XPNPEP1: variants seen among roughly 807,000 people sequenced by gnomAD.
The protein encoded by XPNPEP1 is xaa-Pro aminopeptidase 1.
In XPNPEP1, 39 loss-of-function variants were observed where a neutral mutation model predicts 92.4. The ratio of observed to expected loss-of-function variants is 0.42; its 90% CI spans 0.33 to 0.55. The LOEUF (loss-of-function observed/expected upper bound fraction) is 0.55, where lower values mean the gene tolerates loss of function less well. XPNPEP1 is among the 20% of genes least tolerant of loss of function. The pLI is 0.08. For missense variants in XPNPEP1, 654 were observed against 856.1 expected (o/e 0.76, Z 2.95); for synonymous variants, 307 against 299.4 (o/e 1.03, Z -0.26).
At position 109,884,085 on chromosome 10, in the gene XPNPEP1, A is replaced by G. The variant is rs769856950; in HGVS notation, c.812T>C (p.Ile271Thr). The change falls in exon 9 of 21, where the codon ATA becomes ACA. Residue 271 changes from isoleucine to threonine, a missense_variant. Physicochemically the swap from Ile to Thr is moderately conservative, Grantham distance 89. Transcript: ENST00000502935. ...HNPVFFSYAI[I>T]GLETIMLFID... ...CACTCACATGATCGTCTCTAGTCCT[A>G]TGATTGCGTAGGAGAAAAATACTGG... is the stretch of plus-strand genomic sequence containing the variant. The G allele has an allele frequency of 2.6e-5, 42 of 1,614,046 alleles. No individual in the cohort carries two copies. The highest frequency in any genetic ancestry group is 4.5e-5 in the East Asian group (2 of 44,870).
intron 3 of XPNPEP1, among the ~76,000 whole-genome samples, chr10:109,900,366 C>T (rs1353696926): frequency 1.3e-5 from 2 of 152,172 alleles, no homozygotes; most frequent in Admixed American, 1.3e-4. Flanking sequence ...GCTACTATGG[C>T]AGGTCACACA....
intron 18 of XPNPEP1, 145 bp downstream of exon 18, chr10:109,870,586 T>G: frequency 9.5e-7 from 1 of 1,053,922 alleles, no homozygotes; most frequent in Non-Finnish European, 1.4e-6. Context: ...AAAATGAACA[T>G]GTATCAGTTC....
chr10:109,865,298 G>A lies in XPNPEP1; in HGVS notation c.1887C>T (p.Asn629=), dbSNP rs1847075632. 6.2e-7 allele frequency: 1 copy of A among 1,614,140 alleles called. No homozygotes were observed. Among genetic ancestry groups the A allele is most frequent in the South Asian group, 1.1e-5 (1 of 91,070 alleles). Reference sequence around the variant, plus strand: ...CATCCCTGCAGGTCAGGTGGTAATTGTTGAGCCAGTCGCACTGCAGGGAAG... The same window carrying A: ...CATCCCTGCAGGTCAGGTGGTAATTATTGAGCCAGTCGCACTGCAGGGAAG... ...SLTDKECDWL[N]NYHLTCRDVI... The change falls in exon 21 of 21, where the codon AAC becomes AAT. Residue 629 remains asparagine (N), a synonymous_variant. Transcript: ENST00000502935.
intron 3 of XPNPEP1, among the ~76,000 whole-genome samples, chr10:109,899,916 G>A (rs973997149): frequency 1.4e-4 from 22 of 152,196 alleles, no homozygotes; most frequent in African/African-American, 4.6e-4. Flanking sequence ...TGGTGCCCAC[G>A]AATCCCAATA....
Position 109,869,980 on chromosome 10 carries a change from A to G in XPNPEP1, c.1746T>C (p.Val582=). 6.2e-7 allele frequency: 1 copy of G among 1,614,210 alleles called. No individual in the cohort carries two copies. The highest frequency in any genetic ancestry group is 8.5e-7 in the Non-Finnish European group (1 of 1,180,036). ...TGGTCTTCACAGGAACCACAAGGAC[A>G]ACATTCTCAATGCGAATTCCAAAAG... is the stretch of plus-strand genomic sequence containing the variant. ...DGAFGIRIEN[V]VLVVPVKTKY... The change falls in exon 19 of 21, where the codon GTT becomes GTC. Residue 582 remains valine, a synonymous_variant. Transcript: ENST00000502935.
At chr10:109,918,043 G>A (rs774555659) in intron 1 of XPNPEP1, among the ~76,000 whole-genome samples, 3 of 151,970 alleles carry the variant, frequency 2.0e-5, no homozygotes, top group Non-Finnish European at 4.4e-5. Flanking sequence ...GAGCCCTGGA[G>A]GTCAAGGCTG....
intron 1 of XPNPEP1, among the ~76,000 whole-genome samples, chr10:109,921,331 T>C (rs1715823277): frequency 1.3e-5 from 2 of 152,216 alleles, no homozygotes. Flanking sequence ...TCAGTGCTCC[T>C]ACCCTTCCCA....
intron 16 of XPNPEP1, 136 bp from the exon 17 acceptor site, chr10:109,871,997 A>T (rs914683738): frequency 2.3e-6 from 2 of 855,312 alleles, no homozygotes; most frequent in East Asian, 2.7e-5. Context: ...AAAGAAAAAA[A>T]TCTGGTGGAA....
chr10:109,921,319 G>A (rs1173168013), intron 1 of XPNPEP1, among the ~76,000 whole-genome samples: 1 of 152,186 alleles, frequency 6.6e-6, no homozygotes, highest in Non-Finnish European at 1.5e-5. Flanking sequence ...CCAACATCCA[G>A]CTCAGTGCTC....
At chr10:109,923,279 G>A (rs954155689) in intron 1 of XPNPEP1, 123 bp downstream of exon 1, 30 of 1,211,838 alleles carry the variant, frequency 2.5e-5, no homozygotes, top group Middle Eastern at 6.6e-4. Context: ...CGCGGCCCTC[G>A]CCAGACTGCG....
chr10:109,880,184 C>G lies in XPNPEP1; in HGVS notation c.1182+4G>C. ...CACATATTAAACAAAGACTAAGAAC[C>G]AACCTCTTTCTCCAGCCAGTTAAAG... is the stretch of plus-strand genomic sequence containing the variant. On this transcript the variant is annotated splice_donor_region_variant and intron_variant, in intron 12 of 20. Transcript: ENST00000502935. 6.2e-7 allele frequency: 1 copy of G among 1,613,850 alleles called. No homozygotes were observed. Among genetic ancestry groups the G allele is most frequent in the Non-Finnish European group, 8.5e-7 (1 of 1,179,958 alleles).
In XPNPEP1 at chr10:109,890,821, CTCAG is replaced by C. The variant is rs542154644; in HGVS notation, c.415+897_415+900del. On this transcript the variant is annotated intron_variant, in intron 5 of 20. Transcript: ENST00000502935. ...GGCATACACCTGAGTGCACACACCC[CTCAG>C]TCAGCTGGCTGCCTGGATCTCAAGG... 4.6e-3 allele frequency among the ~76,000 whole-genome samples: 705 copies of C among 152,274 alleles called. 6 individuals carry two copies. Among genetic ancestry groups the C allele is most frequent in the African/African-American group, 0.015 (623 of 41,546 alleles).
In XPNPEP1 at chr10:109,884,115, T is replaced by C. The variant is rs1848257601; in HGVS notation, c.782A>G (p.His261Arg). 1.9e-6 allele frequency: 3 copies of C among 1,614,010 alleles called. No individual in the cohort carries two copies. Among genetic ancestry groups the C allele is most frequent in the African/African-American group, 1.3e-5 (1 of 74,922 alleles). Reference protein sequence around the residue: ...LFNLRGSDVEHNPVFFSYAII... With the variant: ...LFNLRGSDVERNPVFFSYAII... ...TGCGTAGGAGAAAAATACTGGATTG[T>C]GCTCCACATCTGATCCTCGGAGATT... The change falls in exon 9 of 21, where the codon CAC becomes CGC. Residue 261 changes from histidine to arginine, a missense_variant. Coordinates refer to ENST00000502935, the MANE Select transcript of XPNPEP1 (RefSeq NM_020383.4).
chr10:109,878,960 C>T (rs1330325340), intron 12 of XPNPEP1, among the ~76,000 whole-genome samples: 1 of 151,838 alleles, frequency 6.6e-6, no homozygotes, highest in African/African-American at 2.4e-5. Flanking sequence ...AAATAATTTA[C>T]GGCCAGGCAC....
At chr10:109,903,658 A>G (rs749493008) in intron 3 of XPNPEP1, among the ~76,000 whole-genome samples, 1 of 152,180 alleles carries the variant, frequency 6.6e-6, no homozygotes, top group Admixed American at 6.5e-5. Flanking sequence ...GAGGGGCCCA[A>G]AGAAAAGAAA....
intron 3 of XPNPEP1, among the ~76,000 whole-genome samples, chr10:109,905,152 CA>C (rs1770669274): frequency 6.6e-6 from 1 of 152,116 alleles, no homozygotes; most frequent in South Asian, 2.1e-4. Flanking sequence ...TGAAATAAGC[CA>C]GTCACAAAAA....
chr10:109,887,867 G>A (rs1316376509), intron 7 of XPNPEP1, among the ~76,000 whole-genome samples, 182 bp downstream of exon 7: 1 of 152,240 alleles, frequency 6.6e-6, no homozygotes, highest in Non-Finnish European at 1.5e-5. Flanking sequence ...GTGGCAAGTA[G>A]GTGGCAACAG....
intron 1 of XPNPEP1, among the ~76,000 whole-genome samples, chr10:109,921,737 GC>G (rs1347770026): frequency 6.6e-6 from 1 of 152,196 alleles, no homozygotes; most frequent in African/African-American, 2.4e-5. Flanking sequence ...CTCCATTTCA[GC>G]CCAAGGGGTT....
At chr10:109,883,964 C>T in intron 9 of XPNPEP1, 103 bp downstream of exon 9, 1 of 962,558 alleles carries the variant, frequency 1.0e-6, no homozygotes, top group East Asian at 2.7e-5. Flanking sequence ...AGAAGCACAT[C>T]AGTGAAATAT....
Sources: allele counts gnomAD v4.1 joint callset (sites outside exome capture counted in the v4.1 genomes callset), GRCh38; gene constraint gnomAD v4.1.1; transcripts MANE v1.5; gene names NCBI Gene and HGNC (gene_info 2026-07-23, HGNC 2026-07-21).